The following MYT1L variants were observed in gnomAD, a reference collection of about 807,000 sequenced individuals.
MYT1L encodes the protein myelin transcription factor 1-like protein.
MYT1L carries 12 observed loss-of-function variants against 126.7 expected under a neutral mutation model. That is an observed-to-expected ratio of 0.09 (90% CI 0.06 to 0.15). MYT1L has a LOEUF of 0.15. Ranked by LOEUF, MYT1L falls within the 10% of genes least tolerant of loss-of-function variation. The pLI is 1.00. For synonymous variants in MYT1L, 541 were observed against 604.2 expected (o/e 0.90, Z 1.53); for missense variants, 979 against 1,585.2 (o/e 0.62, Z 6.49).
At chr2:1,919,257 G>C (rs1237678452) in intron 10 of MYT1L, among the ~76,000 whole-genome samples, 1 of 152,198 alleles carries the variant, frequency 6.6e-6, no homozygotes, top group Non-Finnish European at 1.5e-5. Flanking sequence ...CGATGCATGA[G>C]GTCCTGGTTG....
chr2:2,078,995 C>T (rs529945163), intron 3 of MYT1L, among the ~76,000 whole-genome samples: 1 of 152,258 alleles, frequency 6.6e-6, no homozygotes, highest in East Asian at 1.9e-4. Flanking sequence ...AGAAAGCTTC[C>T]CTGGCCCTTC....
At chr2:2,235,875 T>C (rs1572709662) in intron 2 of MYT1L, among the ~76,000 whole-genome samples, 1 of 152,344 alleles carries the variant, frequency 6.6e-6, no homozygotes, top group East Asian at 1.9e-4. Flanking sequence ...AATGTGGTTG[T>C]GAATGGCTTT....
At chr2:2,122,583 T>C (rs2081178436) in intron 3 of MYT1L, among the ~76,000 whole-genome samples, 2 of 152,208 alleles carry the variant, frequency 1.3e-5, no homozygotes, top group Admixed American at 6.5e-5. Context: ...CTTAAAGAAC[T>C]CAAGTCCTCC....
At chr2:2,320,479 A>G (rs1224798583) in intron 1 of MYT1L, among the ~76,000 whole-genome samples, 1 of 81,776 alleles carries the variant, frequency 1.2e-5, no homozygotes, top group Non-Finnish European at 2.9e-5. Context: ...TAAGTCCTAG[A>G]AAAAAAAAAA....
At chr2:1,842,609 T>G (rs1255683977) in intron 19 of MYT1L, 1 of 152,250 alleles carries the variant, frequency 6.6e-6, no homozygotes, top group African/African-American at 2.4e-5. Flanking sequence ...TCCCTTGGCC[T>G]CCTCCGCCCC....
chr2:2,181,501 T>A (rs2091521342), intron 2 of MYT1L, among the ~76,000 whole-genome samples: 1 of 152,150 alleles, frequency 6.6e-6, no homozygotes, highest in Non-Finnish European at 1.5e-5. Flanking sequence ...TTACCGTCTG[T>A]CAGAGGCTGT....
chr2:2,205,670 C>A (rs527282838), intron 2 of MYT1L, among the ~76,000 whole-genome samples: 1 of 152,306 alleles, frequency 6.6e-6, no homozygotes, highest in African/African-American at 2.4e-5. Context: ...GTGTCTAGAA[C>A]TTGCAAATGC....
At position 1,793,877 on chromosome 2, in the gene MYT1L, A is replaced by C; in HGVS notation, c.3277-1413T>G. ...AGGAGTGGATGCCTGCCCTCCCACG[A>C]CTCCTGGGTGGGCCTCGAAGGGCTG... On this transcript the variant is annotated intron_variant, in intron 23 of 24. Coordinates refer to ENST00000647738, the MANE Select transcript of MYT1L (RefSeq NM_001303052.2). This position sits in a 1 kb window ranked among gnomAD's most constrained non-coding sequence, Gnocchi z 4.6. Among the ~76,000 whole-genome samples the C allele has an allele frequency of 6.6e-6, 1 of 150,404 alleles. No individual in the cohort carries two copies. Among genetic ancestry groups the C allele is most frequent in the African/African-American group, 2.5e-5 (1 of 40,782 alleles).
At chr2:1,836,544 A>T (rs2040920150) in intron 21 of MYT1L, among the ~76,000 whole-genome samples, 1 of 148,812 alleles carries the variant, frequency 6.7e-6, no homozygotes, top group African/African-American at 2.5e-5. Flanking sequence ...CCAATATTCC[A>T]TCAGCCTGTG....
At chr2:1,956,828 CAA>C (rs74164548) in intron 8 of MYT1L, among the ~76,000 whole-genome samples, 2 of 146,158 alleles carry the variant, frequency 1.4e-5, no homozygotes, top group African/African-American at 5.0e-5. Flanking sequence ...TAGTGAAAAG[CAA>C]AAAAAAAAAT....
rs1328558389 is a variant in MYT1L, at chr2:1,840,762, G to A, written c.2856C>T (p.Ile952=). 15 of 1,550,078 alleles carry A rather than the reference G, an allele frequency of 9.7e-6. No homozygotes were observed. Among genetic ancestry groups the A allele is most frequent in the African/African-American group, 2.7e-5 (2 of 72,972 alleles). Reference sequence around the variant, plus strand: ...CTCAGCCCCACTGGTGCTCATACCTGATGGGTTCTTGATCTTCTTTATCTT... The same window carrying A: ...CTCAGCCCCACTGGTGCTCATACCTAATGGGTTCTTGATCTTCTTTATCTT... ...SKEDKEDQEP[I]RCPVPGCDGQ... The change falls in exon 20 of 25, where the codon ATC becomes ATT. Residue 952 remains isoleucine, a splice_region_variant and synonymous_variant. Coordinates refer to ENST00000647738, the MANE Select transcript of MYT1L (RefSeq NM_001303052.2).
chr2:2,299,318 G>A (rs982599719), intron 1 of MYT1L, among the ~76,000 whole-genome samples: 1 of 152,214 alleles, frequency 6.6e-6, no homozygotes, highest in Non-Finnish European at 1.5e-5. Context: ...TCCTCCTGGT[G>A]CCTAGCGGCC....
At chr2:1,940,673 G>A (rs1001035073) in intron 9 of MYT1L, among the ~76,000 whole-genome samples, 1 of 152,250 alleles carries the variant, frequency 6.6e-6, no homozygotes, top group Non-Finnish European at 1.5e-5. Flanking sequence ...TCCTTTAAAA[G>A]TCCTGTCATA....
intron 15 of MYT1L, among the ~76,000 whole-genome samples, chr2:1,891,345 A>T (rs1457005055): frequency 6.6e-6 from 1 of 152,170 alleles, no homozygotes; most frequent in Non-Finnish European, 1.5e-5. Context: ...GCTCCCTGGC[A>T]CCGCCTGGTT....
intron 2 of MYT1L, among the ~76,000 whole-genome samples, chr2:2,194,833 A>G (rs553851099): frequency 2.6e-5 from 4 of 152,368 alleles, no homozygotes; most frequent in Non-Finnish European, 4.4e-5. Flanking sequence ...GGATAAATGT[A>G]TACTGTCAAA....
chr2:2,247,176 A>C (rs1329559745), intron 2 of MYT1L, among the ~76,000 whole-genome samples: 1 of 152,248 alleles, frequency 6.6e-6, no homozygotes, highest in Non-Finnish European at 1.5e-5. Flanking sequence ...AGGGAGTGAA[A>C]ATAAAGGGAT....
intron 14 of MYT1L, among the ~76,000 whole-genome samples, chr2:1,893,110 A>G (rs140397865): frequency 7.2e-5 from 11 of 152,282 alleles, no homozygotes; most frequent in African/African-American, 2.4e-4. Flanking sequence ...CCCACTGCCC[A>G]GTAATCCTTT....
In MYT1L at chr2:2,306,801, A is replaced by T. The variant is rs550855641; in HGVS notation, c.-520-22298T>A. Among the ~76,000 whole-genome samples the T allele has an allele frequency of 2.0e-5, 3 of 152,294 alleles. No individual in the cohort carries two copies. In the South Asian group the frequency reaches 6.2e-4, roughly 32 times the overall value. On this transcript the variant is annotated intron_variant, in intron 1 of 24. Coordinates refer to ENST00000647738, the MANE Select transcript of MYT1L (RefSeq NM_001303052.2). ...GATTTACTGAGAACCAACTATGTCC[A>T]ACATTTCTGATAGGAATATACATCT...
At chr2:2,195,339 T>C (rs2092755181) in intron 2 of MYT1L, among the ~76,000 whole-genome samples, 1 of 152,192 alleles carries the variant, frequency 6.6e-6, no homozygotes, top group Non-Finnish European at 1.5e-5. Flanking sequence ...GATTACATGC[T>C]AGGAAGAAGG....
Sources: gnomAD v4.1 joint callset for allele counts (sites outside exome capture counted in the v4.1 genomes callset) on GRCh38, gnomAD v4.1.1 for gene constraint, Gnocchi (gnomAD v3.1) non-coding constraint, MANE v1.5 for transcripts, NCBI Gene and HGNC (gene_info 2026-07-23, HGNC 2026-07-21) for gene names.